Variants in WDFY4 observed in about 807,000 individuals in gnomAD.
The protein encoded by WDFY4 is WDFY family member 4.
A neutral mutation model predicts 351.9 loss-of-function variants in WDFY4; 169 were observed. The ratio of observed to expected loss-of-function variants is 0.48; its 90% confidence interval spans 0.42 to 0.55. The LOEUF is 0.55. Ranked by LOEUF, WDFY4 falls within the 20% of genes least tolerant of loss-of-function variation. The pLI is 0.00. For missense variants in WDFY4, 3,803 were observed against 3,935.6 expected, an observed-to-expected ratio of 0.97 and a Z score of 0.90; for synonymous variants, 1,622 against 1,574.6, an observed-to-expected ratio of 1.03 and a Z score of -0.71.
At position 48,974,519 on chromosome 10, in the gene WDFY4, A is replaced by AAAAAAAAAAAAAAAAAACAAC. The variant is rs1352344126; in HGVS notation, c.8929-333_8929-332insAAAAAAACAACAAAAAAAAAA. 1.2e-3 allele frequency among the ~76,000 whole-genome samples: 59 copies of AAAAAAAAAAAAAAAAAACAAC among 49,968 alleles called. 7 individuals carry two copies. Among genetic ancestry groups the AAAAAAAAAAAAAAAAAACAAC allele is most frequent in the South Asian group, 2.6e-3 (2 of 768 alleles). The allele number at this position is 49,968 out of a possible 152,430, so 32.8% of individuals were successfully genotyped here. On this transcript the variant is annotated intron_variant, in intron 57 of 61. Transcript: ENST00000325239. ...CTCCGTCTCAAAAAAAAAAAAAAAA[A>AAAAAAAAAAAAAAAAAACAAC]AAAAAAAAAACAACTCATGACATGA...
At chr10:48,869,572 A>G (rs146194402) in intron 40 of WDFY4, among the ~76,000 whole-genome samples, 54 of 151,822 alleles carry the variant, frequency 3.6e-4, no homozygotes, top group African/African-American at 9.4e-4. Context: ...AGAAGTTCTG[A>G]CAAAAAGTTG....
rs980362824 is a variant in WDFY4 at position 48,867,628 on chromosome 10, G to A, written c.6741+286G>A. On this transcript the variant is annotated intron_variant, in intron 40 of 61. Coordinates refer to ENST00000325239, the MANE Select transcript of WDFY4 (RefSeq NM_001394531.1). ...GAATTCTAAGTCTGCCCCTTTCTAT[G>A]CCAGTGGTCTGAGCCTCTGTGTGCT... Among the ~76,000 whole-genome samples, 10 of 152,298 alleles carry A rather than the reference G, an allele frequency of 6.6e-5. 2 individuals are homozygous for A. The Middle Eastern group carries it at 0.014, about 207-fold the overall frequency.
chr10:48,751,217 C>T (rs567912142), intron 12 of WDFY4, among the ~76,000 whole-genome samples: 24 of 152,132 alleles, frequency 1.6e-4, no homozygotes, highest in South Asian at 4.1e-4. Context: ...AGGAGGTCAG[C>T]GAGGCGTTCC....
In WDFY4 at chr10:48,726,069, G is replaced by A; in HGVS notation, c.780G>A (p.Gln260=). 3 of 1,537,608 alleles carry A rather than the reference G, an allele frequency of 2.0e-6. No individual in the cohort carries two copies. Among genetic ancestry groups the A allele is most frequent in the Non-Finnish European group, 2.6e-6 (3 of 1,135,412 alleles). The part of the protein sequence containing the change: ...AQNLSIIQYL[Q]ATDCVRLSLQ... ...ACCTCAGCATCATCCAGTACCTGCA[G>A]GGTATGGCCCGGGAAATTAGATGTG... Residue 260 remains glutamine (Q), a splice_region_variant and synonymous_variant, in exon 6 of 62, where the codon CAG becomes CAA. Coordinates refer to ENST00000325239, the MANE Select transcript of WDFY4 (RefSeq NM_001394531.1).
At position 48,725,990 on chromosome 10, in the gene WDFY4, G is replaced by T. The variant is rs191235577; in HGVS notation, c.701G>T (p.Cys234Phe). 1 of 1,551,640 alleles carries T rather than the reference G, an allele frequency of 6.4e-7. No homozygotes were observed. Among genetic ancestry groups the T allele is most frequent in the Non-Finnish European group, 8.7e-7 (1 of 1,147,010 alleles). ...ATTCLREHSC[C>F]FWKEPTFCVL... is the part of the protein sequence containing the mutation. The stretch of plus-strand genomic sequence containing the variant: ...ACCTGCCTTCGGGAGCACAGCTGCT[G>T]CTTCTGGAAGGAACCCACCTTCTGC... Residue 234 changes from cysteine (C) to phenylalanine (F), a missense_variant, in exon 6 of 62, where the codon TGC becomes TTC. This residue lies in a region of WDFY4 where 488 missense variants were observed against 456.8 expected (regional missense o/e 1.07). Transcript: ENST00000325239.
At chr10:48,749,721 G>A (rs2065122644) in intron 12 of WDFY4, among the ~76,000 whole-genome samples, 1 of 152,154 alleles carries the variant, frequency 6.6e-6, no homozygotes. Flanking sequence ...GAGCTAGGGT[G>A]GTCTCTGTGC....
At chr10:48,940,906 AC>A (rs1738565073) in intron 47 of WDFY4, among the ~76,000 whole-genome samples, 1 of 152,080 alleles carries the variant, frequency 6.6e-6, no homozygotes, top group Non-Finnish European at 1.5e-5. Context: ...CCACAATGGG[AC>A]TTCTTTGGTT....
At chr10:48,727,729 T>A in intron 7 of WDFY4, 70 bp downstream of exon 7, 1 of 1,509,132 alleles carries the variant, frequency 6.6e-7, no homozygotes. Flanking sequence ...ATCATTGGGG[T>A]GCTTTGCAGA....
chr10:48,857,355 A>G (rs188602004), intron 39 of WDFY4, among the ~76,000 whole-genome samples: 7 of 150,706 alleles, frequency 4.6e-5, no homozygotes, highest in East Asian at 2.0e-4. Flanking sequence ...TTTTCCTCCT[A>G]TAAGCTCTTG....
intron 10 of WDFY4, among the ~76,000 whole-genome samples, chr10:48,735,489 C>T (rs901243966): frequency 2.0e-5 from 3 of 151,868 alleles, no homozygotes; most frequent in Non-Finnish European, 4.4e-5. Flanking sequence ...ACTTAGGTTT[C>T]TATTTTTTTT....
chr10:48,964,421 G>A (rs534023404), intron 54 of WDFY4, among the ~76,000 whole-genome samples: 2 of 152,348 alleles, frequency 1.3e-5, no homozygotes, highest in Non-Finnish European at 2.9e-5. Flanking sequence ...CTTAACAAAT[G>A]TTAGCTATTA....
chr10:48,945,087 G>A (rs1284414419), intron 49 of WDFY4, among the ~76,000 whole-genome samples: 2 of 152,196 alleles, frequency 1.3e-5, no homozygotes, highest in Non-Finnish European at 2.9e-5. Flanking sequence ...GGAAAGAAAG[G>A]GTTATGAGCC....
At chr10:48,937,940 C>T (rs575313338) in intron 47 of WDFY4, among the ~76,000 whole-genome samples, 1 of 152,272 alleles carries the variant, frequency 6.6e-6, no homozygotes, top group South Asian at 2.1e-4. Context: ...CCACACTCTG[C>T]CCCCAGCATC....
intron 11 of WDFY4, among the ~76,000 whole-genome samples, chr10:48,740,683 A>G: frequency 6.6e-6 from 1 of 152,234 alleles, no homozygotes; most frequent in East Asian, 1.9e-4. Context: ...ACTCGGGAGG[A>G]GAAAGCAGTA....
chr10:48,864,346 C>A (rs2069460732), intron 39 of WDFY4, among the ~76,000 whole-genome samples: 1 of 151,992 alleles, frequency 6.6e-6, no homozygotes, highest in Non-Finnish European at 1.5e-5. Context: ...CTATTCGTTC[C>A]CCATTGTATA....
intron 2 of WDFY4, among the ~76,000 whole-genome samples, chr10:48,710,297 C>A (rs533518339): frequency 7.2e-5 from 11 of 152,276 alleles, no homozygotes; most frequent in African/African-American, 2.6e-4. Context: ...GGGCCTCTCT[C>A]AGGCTTCTTT....
At chr10:48,689,906 T>G (rs2063151451) in intron 1 of WDFY4, among the ~76,000 whole-genome samples, 1 of 152,240 alleles carries the variant, frequency 6.6e-6, no homozygotes, top group Non-Finnish European at 1.5e-5. Context: ...AAATGGAGAC[T>G]CAGAGATGTA....
At chr10:48,910,412 G>T (rs776537835) in intron 47 of WDFY4, among the ~76,000 whole-genome samples, 3 of 152,176 alleles carry the variant, frequency 2.0e-5, no homozygotes, top group African/African-American at 7.2e-5. Context: ...TTTGAGGAAA[G>T]AGAACACCCA....
chr10:48,951,024 T>C (rs566118688), intron 51 of WDFY4, among the ~76,000 whole-genome samples: 1 of 152,332 alleles, frequency 6.6e-6, no homozygotes, highest in Admixed American at 6.5e-5. Context: ...CCATTTACCC[T>C]GCACTGTGCA....
Sources: allele counts gnomAD v4.1 joint callset (sites outside exome capture counted in the v4.1 genomes callset), GRCh38; gene constraint gnomAD v4.1.1; regional missense constraint gnomAD v4.1.1; transcripts MANE v1.5; gene names NCBI Gene and HGNC (gene_info 2026-07-23, HGNC 2026-07-21).